The following MSRB3 variants were observed in gnomAD, a reference collection of about 807,000 sequenced individuals.
The protein encoded by MSRB3 is methionine sulfoxide reductase B3.
MSRB3 carries 13 observed loss-of-function variants against 21.0 expected under a neutral mutation model. The ratio of observed to expected loss-of-function variants is 0.62; its 90% CI spans 0.40 to 0.98. The LOEUF is 0.98. Among genes scored for constraint, MSRB3 ranks in the 50% least tolerant of loss-of-function variants. The pLI, the probability that MSRB3 is intolerant of heterozygous loss-of-function variation, is 0.00. For missense variants in MSRB3, 199 were observed against 230.3 expected (o/e 0.86, Z 0.88); for synonymous variants, 87 against 88.6 (o/e 0.98, Z 0.10).
chr12:65,390,468 G>A (rs1000100100), intron 5 of MSRB3, among the ~76,000 whole-genome samples: 4 of 152,140 alleles, frequency 2.6e-5, no homozygotes, highest in Non-Finnish European at 4.4e-5. Context: ...ATTACTCATA[G>A]AAATGCAAAT....
intron 1 of MSRB3, among the ~76,000 whole-genome samples, chr12:65,290,888 A>G (rs1223604061): frequency 3.3e-5 from 5 of 152,244 alleles, no homozygotes; most frequent in Non-Finnish European, 7.3e-5. Flanking sequence ...TCAGTATGAA[A>G]TAACCAAGGG....
At position 65,463,179 on chromosome 12, in the gene MSRB3, T is replaced by A; in HGVS notation, c.415T>A (p.Phe139Ile). The change falls in exon 7 of 7, where the codon TTT (phenylalanine) becomes ATT (isoleucine). Residue 139 changes from phenylalanine (F) to isoleucine (I), a missense_variant. Coordinates refer to ENST00000308259, the MANE Select transcript of MSRB3 (RefSeq NM_001031679.3). ...GTGTGGTGCTCACCTTGGGCACATT[T>A]TTGATGATGGGCCTCGTCCAACTGG... ...SQCGAHLGHI[F>I]DDGPRPTGKR... The A allele has an allele frequency of 6.2e-7, 1 of 1,614,194 alleles. No individual in the cohort carries two copies. The highest frequency in any genetic ancestry group is 8.5e-7 in the Non-Finnish European group (1 of 1,180,032).
chr12:65,301,111 CACACAT>C (rs1873304261), intron 1 of MSRB3, among the ~76,000 whole-genome samples: 1 of 152,100 alleles, frequency 6.6e-6, no homozygotes, highest in African/African-American at 2.4e-5. Context: ...CACACAGACA[CACACAT>C]ACACATACAC....
At chr12:65,310,193 G>C (rs1011247933) in intron 2 of MSRB3, among the ~76,000 whole-genome samples, 17 of 152,050 alleles carry the variant, frequency 1.1e-4, no homozygotes, top group African/African-American at 3.6e-4. Context: ...TTAATGTATA[G>C]AGGCCCCAAC....
intron 5 of MSRB3, among the ~76,000 whole-genome samples, chr12:65,405,651 A>G (rs947302205): frequency 2.6e-5 from 4 of 152,016 alleles, no homozygotes; most frequent in Non-Finnish European, 4.4e-5. Context: ...TTTTATTTTT[A>G]GGGGAACCTC....
chr12:65,323,521 A>C (rs996407547), intron 2 of MSRB3, among the ~76,000 whole-genome samples: 5 of 152,236 alleles, frequency 3.3e-5, no homozygotes, highest in African/African-American at 1.2e-4. Context: ...ACACTATTAA[A>C]CATTTAAATA....
chr12:65,341,590 G>A (rs1352923622), intron 4 of MSRB3, among the ~76,000 whole-genome samples: 1 of 151,220 alleles, frequency 6.6e-6, no homozygotes, highest in East Asian at 1.9e-4. Flanking sequence ...TTGAAACAAA[G>A]GATAAATGCT....
At chr12:65,432,851 A>G (rs1881948188) in intron 5 of MSRB3, among the ~76,000 whole-genome samples, 1 of 152,000 alleles carries the variant, frequency 6.6e-6, no homozygotes, top group Non-Finnish European at 1.5e-5. Context: ...TTCTCCAGAC[A>G]AATATTGTAC....
intron 4 of MSRB3, among the ~76,000 whole-genome samples, chr12:65,353,533 G>C (rs1473722783): frequency 6.6e-6 from 1 of 152,070 alleles, no homozygotes; most frequent in East Asian, 1.9e-4. Context: ...TTTTATCAGA[G>C]ACTAGGATTG....
intron 5 of MSRB3, among the ~76,000 whole-genome samples, chr12:65,403,004 A>G (rs1046762885): frequency 6.6e-6 from 1 of 152,198 alleles, no homozygotes; most frequent in African/African-American, 2.4e-5. Flanking sequence ...CACTCGCCAG[A>G]TGCCAGCCAG....
chr12:65,283,423 A>G (rs2136383026), intron 1 of MSRB3, among the ~76,000 whole-genome samples: 1 of 151,846 alleles, frequency 6.6e-6, no homozygotes, highest in Middle Eastern at 3.4e-3. Flanking sequence ...ATGTCAGTGA[A>G]TCACCTAGAA....
chr12:65,408,965 G>T (rs1880569759), intron 5 of MSRB3, among the ~76,000 whole-genome samples: 1 of 152,094 alleles, frequency 6.6e-6, no homozygotes, highest in Non-Finnish European at 1.5e-5. Context: ...GGACTTTTCT[G>T]TGATCTTCAC....
chr12:65,434,854 G>A (rs1472155609), intron 5 of MSRB3, among the ~76,000 whole-genome samples: 1 of 151,906 alleles, frequency 6.6e-6, no homozygotes, highest in East Asian at 1.9e-4. Flanking sequence ...TAAAATCACA[G>A]ATGAGTAAAT....
chr12:65,335,571 G>A (rs7301781), intron 4 of MSRB3, among the ~76,000 whole-genome samples: 6,348 of 152,188 alleles, frequency 0.042, 429 homozygotes, highest in African/African-American at 0.14. Context: ...ACCACTAAAA[G>A]AGACTTTCAA....
chr12:65,418,740 G>C, intron 5 of MSRB3: 1 of 910,838 alleles, frequency 1.1e-6, no homozygotes, highest in Non-Finnish European at 1.8e-6. Flanking sequence ...TCAGAACTTT[G>C]GTGTCATTGA....
chr12:65,330,944 G>C (rs10878260), intron 4 of MSRB3, among the ~76,000 whole-genome samples: 2 of 151,910 alleles, frequency 1.3e-5, no homozygotes, highest in Non-Finnish European at 2.9e-5. Flanking sequence ...GAACAAAAAC[G>C]AAATAATTGG....
intron 5 of MSRB3, among the ~76,000 whole-genome samples, chr12:65,412,104 A>T (rs1239746458): frequency 6.6e-6 from 1 of 152,098 alleles, no homozygotes; most frequent in Non-Finnish European, 1.5e-5. Context: ...AGCCCTTTTT[A>T]TTTTAACTTT....
intron 4 of MSRB3, among the ~76,000 whole-genome samples, chr12:65,353,086 G>C (rs558864250): frequency 6.6e-6 from 1 of 152,274 alleles, no homozygotes; most frequent in East Asian, 1.9e-4. Flanking sequence ...TGTGTTCTGA[G>C]AGACAGTTTG....
At chr12:65,329,118 A>G (rs1330218329) in intron 4 of MSRB3, among the ~76,000 whole-genome samples, 2 of 152,212 alleles carry the variant, frequency 1.3e-5, no homozygotes, top group Non-Finnish European at 2.9e-5. Flanking sequence ...GTTTTTGCAT[A>G]GATTCAAAAT....
Sources: allele counts gnomAD v4.1 joint callset (sites outside exome capture counted in the v4.1 genomes callset), GRCh38; gene constraint gnomAD v4.1.1; transcripts MANE v1.5; gene names NCBI Gene and HGNC (gene_info 2026-07-23, HGNC 2026-07-21).